Variants in ZNF385D observed in about 807,000 individuals in gnomAD.
ZNF385D encodes the protein zinc finger protein 385D.
Under a neutral mutation model 35.8 loss-of-function variants are expected in ZNF385D, and 15 were observed. The ratio of observed to expected loss-of-function variants is 0.42; its 90% confidence interval spans 0.28 to 0.64. The LOEUF (loss-of-function observed/expected upper bound fraction) is 0.64. ZNF385D is among the 30% of genes least tolerant of loss of function. The probability of loss-of-function intolerance (pLI) is 0.23; values close to 1 mark genes in which losing one functional copy is unlikely to be tolerated. For missense variants in ZNF385D, 474 were observed against 494.6 expected, an observed-to-expected ratio of 0.96 and a Z score of 0.39; for synonymous variants, 212 against 186.8, an observed-to-expected ratio of 1.13 and a Z score of -1.10.
intron 1 of ZNF385D, among the ~76,000 whole-genome samples, chr3:21,678,283 G>A (rs2066790681): frequency 6.6e-6 from 1 of 152,022 alleles, no homozygotes; most frequent in Non-Finnish European, 1.5e-5. Flanking sequence ...GAAGATAACT[G>A]GAGACCTACA....
intron 2 of ZNF385D, among the ~76,000 whole-genome samples, chr3:22,315,749 C>G (rs904776895): frequency 6.6e-5 from 10 of 152,130 alleles, no homozygotes; most frequent in Admixed American, 4.6e-4. Context: ...CAGGAAAAAG[C>G]CAAGCTCACC....
chr3:21,987,623 T>C (rs1694883360), intron 3 of ZNF385D, among the ~76,000 whole-genome samples: 1 of 138,252 alleles, frequency 7.2e-6, no homozygotes, highest in Non-Finnish European at 1.5e-5. Context: ...ATTTCAACTT[T>C]GGTGAATCTG....
intron 3 of ZNF385D, chr3:21,563,451 A>T (rs2125644423): frequency 6.6e-6 from 1 of 152,326 alleles, no homozygotes; most frequent in South Asian, 2.1e-4. Context: ...AAATTACCTG[A>T]TGATTGCATT....
At chr3:21,980,346 C>G (rs1353699761) in intron 3 of ZNF385D, among the ~76,000 whole-genome samples, 1 of 152,102 alleles carries the variant, frequency 6.6e-6, no homozygotes, top group African/African-American at 2.4e-5. Flanking sequence ...CTCATGGAAA[C>G]TGTGACATAA....
intron 2 of ZNF385D, among the ~76,000 whole-genome samples, chr3:21,606,494 G>A (rs902223237): frequency 4.6e-5 from 7 of 152,256 alleles, no homozygotes; most frequent in East Asian, 1.9e-4. Flanking sequence ...AGATCCATAG[G>A]TGACTTTAGA....
intron 3 of ZNF385D, among the ~76,000 whole-genome samples, chr3:21,763,455 T>A (rs897687234): frequency 8.5e-5 from 13 of 152,192 alleles, no homozygotes; most frequent in African/African-American, 2.9e-4. Context: ...AATTTGAGGA[T>A]GAACAAATAC....
chr3:21,967,301 C>A (rs568971333), intron 3 of ZNF385D, among the ~76,000 whole-genome samples: 19 of 152,094 alleles, frequency 1.2e-4, no homozygotes, highest in South Asian at 2.1e-4. Context: ...TTTTTTCCCC[C>A]AAAATTTACT....
intron 2 of ZNF385D, among the ~76,000 whole-genome samples, chr3:21,619,253 T>A (rs1490550698): frequency 6.6e-6 from 1 of 152,186 alleles, no homozygotes; most frequent in East Asian, 1.9e-4. Flanking sequence ...TCTCATCTCC[T>A]CGCATGGCAG....
chr3:22,066,556 GTGTGTGTGTGTGTGTGTGTGTGTGT>G (rs1458822732), intron 3 of ZNF385D, among the ~76,000 whole-genome samples: 1 of 121,514 alleles, frequency 8.2e-6, no homozygotes, highest in Non-Finnish European at 2.0e-5. Flanking sequence ...GTGTGTGTGT[GTGTGTGTGTGTGTGTGTGTGTGTGT>G]AAGTAAAAAG....
At chr3:21,867,768 C>G (rs1575806288) in intron 3 of ZNF385D, among the ~76,000 whole-genome samples, 3 of 151,116 alleles carry the variant, frequency 2.0e-5, no homozygotes, top group Non-Finnish European at 2.9e-5. Flanking sequence ...CTCAACCAGT[C>G]TTTTTAGTCA....
At chr3:21,783,391 A>G (rs529792869) in intron 3 of ZNF385D, among the ~76,000 whole-genome samples, 2 of 152,274 alleles carry the variant, frequency 1.3e-5, no homozygotes, top group South Asian at 2.1e-4. Flanking sequence ...GAGACCTTCA[A>G]TGAAATCTTT....
chr3:22,159,778 G>A (rs1705827997), intron 3 of ZNF385D, among the ~76,000 whole-genome samples: 1 of 152,050 alleles, frequency 6.6e-6, no homozygotes. Flanking sequence ...AGAATACAGT[G>A]TCTTATTATA....
intron 3 of ZNF385D, among the ~76,000 whole-genome samples, chr3:21,991,514 A>T (rs1695145781): frequency 6.6e-6 from 1 of 152,174 alleles, no homozygotes; most frequent in African/African-American, 2.4e-5. Context: ...AACAATTTGG[A>T]AGTCATCTTA....
intron 1 of ZNF385D, among the ~76,000 whole-genome samples, chr3:21,698,079 A>G (rs1054147428): frequency 6.6e-6 from 1 of 152,204 alleles, no homozygotes; most frequent in South Asian, 2.1e-4. Context: ...TATTCAACCC[A>G]TTAATCCCAC....
chr3:22,172,920 A>G (rs1324058089), intron 2 of ZNF385D, among the ~76,000 whole-genome samples: 4 of 152,176 alleles, frequency 2.6e-5, no homozygotes, highest in Admixed American at 2.6e-4. Context: ...ACTTGCATCT[A>G]AACAGTGTGG....
rs1273662535 is a variant in ZNF385D, at chr3:22,264,481, T to C, written c.107-95446A>G. ...GCATGGGTCAGAGCCTAGAGGCTAATAGCAGACAATACAGTGTGACCAAAG... is the reference window on the plus strand; with the variant it reads ...GCATGGGTCAGAGCCTAGAGGCTAACAGCAGACAATACAGTGTGACCAAAG... On this transcript the variant is annotated intron_variant, in intron 2 of 5. Coordinates refer to the ZNF385D transcript ENST00000494108. 3.3e-5 allele frequency among the ~76,000 whole-genome samples: 5 copies of C among 152,144 alleles called. No homozygotes were observed. The East Asian group carries it at 5.8e-4, about 18-fold the overall frequency.
intron 3 of ZNF385D, among the ~76,000 whole-genome samples, chr3:21,897,534 AGGGTGTGCTGATTGT>A (rs1190730496): frequency 2.0e-5 from 3 of 152,146 alleles, no homozygotes; most frequent in African/African-American, 7.2e-5. Flanking sequence ...TATTTTATAT[AGGGTGTGCTGATTGT>A]GGCTAACTCT....
At chr3:22,169,457 G>A (rs1706543054) in intron 2 of ZNF385D, among the ~76,000 whole-genome samples, 2 of 152,090 alleles carry the variant, frequency 1.3e-5, no homozygotes, top group South Asian at 2.1e-4. Flanking sequence ...ATGTTCTCTA[G>A]TATGTAATAA....
intron 1 of ZNF385D, among the ~76,000 whole-genome samples, chr3:21,743,263 T>C (rs773093840): frequency 1.3e-5 from 2 of 152,176 alleles, no homozygotes; most frequent in East Asian, 3.8e-4. Context: ...GCACAGCTAA[T>C]TTGGACTTTT....
Sources: allele counts gnomAD v4.1 joint callset (sites outside exome capture counted in the v4.1 genomes callset), GRCh38; gene constraint gnomAD v4.1.1; transcripts MANE v1.5; gene names NCBI Gene and HGNC (gene_info 2026-07-23, HGNC 2026-07-21).